The following CAMTA1 variants were observed in gnomAD, a reference collection of about 807,000 sequenced individuals.
The protein encoded by CAMTA1 is calmodulin binding transcription activator 1.
A neutral mutation model predicts 170.9 loss-of-function variants in CAMTA1; 27 were observed. The observed-to-expected ratio is 0.16, with a 90% confidence interval of 0.12 to 0.22. CAMTA1 has a LOEUF of 0.22. Among genes scored for constraint, CAMTA1 ranks in the 10% least tolerant of loss-of-function variants. The pLI, the probability that CAMTA1 is intolerant of heterozygous loss-of-function variation, is 1.00. For synonymous variants in CAMTA1, 833 were observed against 891.5 expected (o/e 0.93, Z 1.17); for missense variants, 1,619 against 2,217.2 (o/e 0.73, Z 5.42).
intron 4 of CAMTA1, among the ~76,000 whole-genome samples, chr1:7,099,207 C>T (rs980350042): frequency 6.6e-6 from 1 of 152,110 alleles, no homozygotes; most frequent in Non-Finnish European, 1.5e-5. Flanking sequence ...CCTGCCACCA[C>T]TCCTGGCTAA....
chr1:7,398,893 T>C (rs2089665520), intron 5 of CAMTA1, among the ~76,000 whole-genome samples: 1 of 152,246 alleles, frequency 6.6e-6, no homozygotes, highest in African/African-American at 2.4e-5. Flanking sequence ...TAATAACTTA[T>C]CTTTGGCTAC....
At chr1:7,217,659 A>G (rs924006136) in intron 4 of CAMTA1, among the ~76,000 whole-genome samples, 1 of 151,958 alleles carries the variant, frequency 6.6e-6, no homozygotes, top group Non-Finnish European at 1.5e-5. Flanking sequence ...TTTTTAGTCT[A>G]ATGGGTACCT....
Position 6,847,570 on chromosome 1 carries a change from A to T in CAMTA1, c.234+22360A>T, listed in dbSNP as rs562873426. Among the ~76,000 whole-genome samples, 14 of 149,224 alleles carry T rather than the reference A, an allele frequency of 9.4e-5. No individual in the cohort carries two copies. In the East Asian group the frequency reaches 2.6e-3, roughly 28 times the overall value. On this transcript the variant is annotated intron_variant, in intron 3 of 22. Coordinates refer to ENST00000303635, the MANE Select transcript of CAMTA1 (RefSeq NM_015215.4). ...TTTTTTTTTTTTGAGACAGAGTCTT[A>T]CCCTGTCACCCAAGCTGGAGTGCAG...
At chr1:7,416,066 T>A (rs1422798409) in intron 5 of CAMTA1, among the ~76,000 whole-genome samples, 1 of 152,228 alleles carries the variant, frequency 6.6e-6, no homozygotes, top group African/African-American at 2.4e-5. Context: ...ATTCTTTTTT[T>A]TAAGAATGTT....
chr1:7,193,955 G>C (rs2148964517), intron 4 of CAMTA1, among the ~76,000 whole-genome samples: 1 of 152,238 alleles, frequency 6.6e-6, no homozygotes, highest in East Asian at 1.9e-4. Flanking sequence ...CAGAACAGTG[G>C]TAACCTATAT....
At chr1:7,152,036 C>T (rs923864848) in intron 4 of CAMTA1, among the ~76,000 whole-genome samples, 2 of 152,086 alleles carry the variant, frequency 1.3e-5, no homozygotes, top group African/African-American at 4.8e-5. Flanking sequence ...AAGTCACTTT[C>T]GCAAGTTTTA....
chr1:7,471,169 GTGTC>G (rs1041901199), intron 6 of CAMTA1, among the ~76,000 whole-genome samples: 6 of 152,208 alleles, frequency 3.9e-5, no homozygotes, highest in African/African-American at 9.6e-5. Flanking sequence ...CTCTCTGTCT[GTGTC>G]TGTCTGTCTG....
chr1:7,670,790 A>G, intron 9 of CAMTA1, 121 bp from the exon 10 acceptor site: 1 of 1,102,320 alleles, frequency 9.1e-7, no homozygotes, highest in Non-Finnish European at 1.3e-6. Flanking sequence ...GGGCCTGGGA[A>G]TCTGCATGGG....
chr1:7,745,534 GAA>G (rs966946039), intron 17 of CAMTA1, among the ~76,000 whole-genome samples: 3 of 151,530 alleles, frequency 2.0e-5, no homozygotes, highest in Admixed American at 6.6e-5. Context: ...TCAAAAAAAA[GAA>G]AAAAAAGAGA....
intron 3 of CAMTA1, among the ~76,000 whole-genome samples, chr1:6,954,354 A>G (rs993415204): frequency 1.3e-5 from 2 of 152,136 alleles, no homozygotes; most frequent in Admixed American, 1.3e-4. Flanking sequence ...TAACGCTCCT[A>G]TTGCTCGAGC....
At chr1:7,017,891 T>A (rs1353984558) in intron 3 of CAMTA1, among the ~76,000 whole-genome samples, 1 of 152,066 alleles carries the variant, frequency 6.6e-6, no homozygotes, top group Non-Finnish European at 1.5e-5. Flanking sequence ...GGTGTGGAAT[T>A]GGGTACAACC....
At chr1:7,159,062 A>ATT (rs546560491) in intron 4 of CAMTA1, among the ~76,000 whole-genome samples, 1 of 148,554 alleles carries the variant, frequency 6.7e-6, no homozygotes, top group African/African-American at 2.5e-5. Flanking sequence ...GTTACGTACT[A>ATT]TTTTTTTTTT....
chr1:7,640,744 C>A (rs897609110), intron 7 of CAMTA1, among the ~76,000 whole-genome samples, 191 bp downstream of exon 7: 1 of 152,212 alleles, frequency 6.6e-6, no homozygotes, highest in African/African-American at 2.4e-5. Context: ...CCCTATACAA[C>A]AGCCAGGGCA....
chr1:7,674,775 A>G lies in CAMTA1; in HGVS notation c.2780-2824A>G, dbSNP rs1469461427. ...GAAGACAGAGTAAGACTCTGTCTCAAAAAAACAAAAAGCAAACAAACAAAC... is the reference window on the plus strand; with the variant it reads ...GAAGACAGAGTAAGACTCTGTCTCAGAAAAACAAAAAGCAAACAAACAAAC... On this transcript the variant is annotated intron_variant, in intron 10 of 22. Transcript: ENST00000303635. The surrounding 1 kb of genome is among the most constrained non-coding windows in gnomAD (Gnocchi z 4.1). Among the ~76,000 whole-genome samples the G allele has an allele frequency of 1.3e-5, 2 of 152,188 alleles. No individual in the cohort carries two copies. Among genetic ancestry groups the G allele is most frequent in the Non-Finnish European group, 2.9e-5 (2 of 68,040 alleles).
At chr1:6,822,809 C>A (rs1188291119) in intron 2 of CAMTA1, among the ~76,000 whole-genome samples, 1 of 151,846 alleles carries the variant, frequency 6.6e-6, no homozygotes, top group East Asian at 1.9e-4. Context: ...CACACACACA[C>A]ACACACACAC....
At chr1:6,850,659 G>A (rs1660028279) in intron 3 of CAMTA1, among the ~76,000 whole-genome samples, 1 of 152,236 alleles carries the variant, frequency 6.6e-6, no homozygotes, top group African/African-American at 2.4e-5. Flanking sequence ...GGTGGGGCGT[G>A]GTGATGAGGT....
At chr1:7,627,778 G>A (rs2095643267) in intron 6 of CAMTA1, among the ~76,000 whole-genome samples, 1 of 152,182 alleles carries the variant, frequency 6.6e-6, no homozygotes, top group African/African-American at 2.4e-5. Flanking sequence ...AAAGCAGATG[G>A]GGCCATAACC....
chr1:7,290,748 G>T lies in CAMTA1; in HGVS notation c.438+41122G>T, dbSNP rs1673010454. Among the ~76,000 whole-genome samples the T allele has an allele frequency of 2.0e-5, 3 of 152,160 alleles. No individual in the cohort carries two copies. In the South Asian group the frequency reaches 6.2e-4, roughly 32 times the overall value. On this transcript the variant is annotated intron_variant, in intron 5 of 22. Coordinates refer to ENST00000303635, the MANE Select transcript of CAMTA1 (RefSeq NM_015215.4). ...TCATTATCACATGATGCCAGCAAGT[G>T]CTGTGGCTCTCGGGGACTCTCCGAC...
At chr1:7,705,800 A>C (rs1337784948) in intron 11 of CAMTA1, among the ~76,000 whole-genome samples, 1 of 152,204 alleles carries the variant, frequency 6.6e-6, no homozygotes, top group East Asian at 1.9e-4. Context: ...ACCCGCGTGC[A>C]CAGGGCAGTC....
Sources: allele counts gnomAD v4.1 joint callset (sites outside exome capture counted in the v4.1 genomes callset), GRCh38; gene constraint gnomAD v4.1.1; non-coding constraint Gnocchi (gnomAD v3.1); transcripts MANE v1.5; gene names NCBI Gene and HGNC (gene_info 2026-07-23, HGNC 2026-07-21).